VAPB: variants seen among roughly 807,000 people sequenced by gnomAD.
VAPB encodes the protein vesicle-associated membrane protein-associated protein B/C.
A neutral mutation model predicts 25.6 loss-of-function variants in VAPB; 7 were observed. The ratio of observed to expected loss-of-function variants is 0.27; its 90% CI spans 0.16 to 0.51. The LOEUF is 0.51. Ranked by LOEUF, VAPB falls within the 20% of genes least tolerant of loss-of-function variation. VAPB has a pLI of 0.97. For synonymous variants in VAPB, 112 were observed against 109.2 expected (o/e 1.03, Z -0.16); for missense variants, 266 against 301.3 (o/e 0.88, Z 0.87).
At chr20:58,444,048 G>T (rs776713475) in intron 5 of VAPB, 29 bp from the exon 6 acceptor site, 64 of 1,614,046 alleles carry the variant, frequency 4.0e-5, no homozygotes, top group Non-Finnish European at 5.4e-5. Context: ...GCCTTGGCTT[G>T]TCTTTGAAAT....
chr20:58,431,096 T>G (rs1988917685), intron 2 of VAPB: 2 of 152,234 alleles, frequency 1.3e-5, no homozygotes, highest in Admixed American at 1.3e-4. Flanking sequence ...AAGTGTTACT[T>G]TCTTCAAGGT....
rs1235211272 is a variant in VAPB at position 58,417,583 on chromosome 20, A to AG, written c.59-626dup. Among the ~76,000 whole-genome samples the AG allele has an allele frequency of 2.0e-5, 3 of 152,198 alleles. No individual in the cohort carries two copies. The East Asian group carries it at 5.8e-4, about 29-fold the overall frequency. ...TAATTAGTACCGTCTGTAATGCTTCAGGTGTGGACTGCCCAGCAGGACTCT... is the reference window on the plus strand; with the variant it reads ...TAATTAGTACCGTCTGTAATGCTTCAGGGTGTGGACTGCCCAGCAGGACTCT... On this transcript the variant is annotated intron_variant, in intron 1 of 5. Coordinates refer to ENST00000475243, the MANE Select transcript of VAPB (RefSeq NM_004738.5).
intron 1 of VAPB, among the ~76,000 whole-genome samples, chr20:58,391,654 G>C (rs768567857): frequency 2.0e-5 from 3 of 152,024 alleles, no homozygotes; most frequent in Non-Finnish European, 2.9e-5. Flanking sequence ...TCAGCCTCTT[G>C]AGTAGCTGGG....
chr20:58,406,560 G>C (rs1046195760), intron 1 of VAPB, among the ~76,000 whole-genome samples: 3 of 152,160 alleles, frequency 2.0e-5, no homozygotes, highest in Non-Finnish European at 4.4e-5. Context: ...ATTCCAGTTG[G>C]ATCATCAAGG....
chr20:58,410,269 G>T (rs1360815060), intron 1 of VAPB, among the ~76,000 whole-genome samples: 1 of 152,106 alleles, frequency 6.6e-6, no homozygotes, highest in Non-Finnish European at 1.5e-5. Flanking sequence ...CATTTCTAGT[G>T]TTGTACATTC....
chr20:58,417,569 G>A (rs778894718), intron 1 of VAPB, among the ~76,000 whole-genome samples: 8 of 152,208 alleles, frequency 5.3e-5, no homozygotes, highest in South Asian at 2.1e-4. Context: ...AATTAGTACC[G>A]TCTGTAATGC....
intron 1 of VAPB, among the ~76,000 whole-genome samples, chr20:58,392,611 C>T (rs951261325): frequency 6.6e-6 from 1 of 152,230 alleles, no homozygotes. Context: ...TAACTGGTTT[C>T]TTCCAGGTTA....
intron 2 of VAPB, among the ~76,000 whole-genome samples, chr20:58,434,009 A>T (rs1433635175): frequency 2.0e-5 from 3 of 152,072 alleles, no homozygotes; most frequent in Non-Finnish European, 4.4e-5. Context: ...CCTCTGTGTG[A>T]GATTTCTCTA....
Position 58,389,418 on chromosome 20 carries a change from C to T in VAPB, c.-42C>T. On this transcript the variant is annotated 5_prime_UTR_variant, in exon 1 of 6. Coordinates refer to ENST00000475243, the MANE Select transcript of VAPB (RefSeq NM_004738.5). ...TTAACGCTTCCCGCCCCGGTGACCT[C>T]TCAGGGGTCTCCCCGCCAAAGGTGC... 6.4e-7 allele frequency: 1 copy of T among 1,567,690 alleles called. No individual in the cohort carries two copies. Among genetic ancestry groups the T allele is most frequent in the Non-Finnish European group, 8.6e-7 (1 of 1,156,490 alleles).
intron 2 of VAPB, among the ~76,000 whole-genome samples, chr20:58,430,675 A>G (rs1284307429): frequency 2.0e-5 from 3 of 151,884 alleles, no homozygotes; most frequent in Non-Finnish European, 4.4e-5. Flanking sequence ...TCGCAGGTTT[A>G]AGCGATTCTC....
Position 58,440,964 on chromosome 20 carries a change from A to G in VAPB, c.454A>G (p.Ile152Val), listed in dbSNP as rs1989146345. 6.2e-7 allele frequency: 1 copy of G among 1,614,136 alleles called. No individual in the cohort carries two copies. The highest frequency in any genetic ancestry group is 1.1e-5 in the South Asian group (1 of 91,086). Residue 152 changes from isoleucine (I) to valine (V), a missense_variant, in exon 5 of 6, where the codon ATA (isoleucine) becomes GTA (valine). Transcript: ENST00000475243. Reference sequence around the variant, plus strand: ...AACTGCATCAAAGACAGAAACACCAATAGTGTCTAAGTCTCTGAGTTCTTC... The same window carrying G: ...AACTGCATCAAAGACAGAAACACCAGTAGTGTCTAAGTCTCTGAGTTCTTC... ...STTASKTETP[I>V]VSKSLSSSLD...
Position 58,444,678 on chromosome 20 carries a change from C to A in VAPB, c.*443C>A. On this transcript the variant is annotated 3_prime_UTR_variant, in exon 6 of 6. Coordinates refer to ENST00000475243, the MANE Select transcript of VAPB (RefSeq NM_004738.5). ...TCCACACAGTAGTCCCCACGTGGCC[C>A]ACTCCCGGCCCAGGCTGCTTTCCGT... 2.2e-6 allele frequency: 1 copy of A among 454,478 alleles called. No homozygotes were observed. The highest frequency in any genetic ancestry group is 4.4e-6 in the Non-Finnish European group (1 of 226,956). 28.2% of individuals were successfully genotyped at this position (454,478 alleles called of 1,614,324 possible). A position where few individuals can be genotyped will look rare whatever the true frequency, so the allele number is the denominator to read the frequency against.
intron 2 of VAPB, among the ~76,000 whole-genome samples, chr20:58,431,805 C>T (rs1489079170): frequency 2.6e-5 from 4 of 152,018 alleles, no homozygotes; most frequent in South Asian, 2.1e-4. Flanking sequence ...GTGATCCTCC[C>T]GCCTTGGCCT....
intron 2 of VAPB, among the ~76,000 whole-genome samples, chr20:58,428,670 T>A (rs956137184): frequency 5.3e-5 from 8 of 152,314 alleles, no homozygotes; most frequent in Admixed American, 2.0e-4. Context: ...CAAACTCTTT[T>A]ATAGTCTGCC....
At chr20:58,436,150 TA>T (rs944320196) in intron 3 of VAPB, among the ~76,000 whole-genome samples, 18 of 152,176 alleles carry the variant, frequency 1.2e-4, no homozygotes, top group Admixed American at 9.8e-4. Flanking sequence ...GCATATCTAG[TA>T]AAGGGTCATT....
intron 1 of VAPB, among the ~76,000 whole-genome samples, chr20:58,405,721 C>T (rs949357063): frequency 2.8e-5 from 4 of 142,832 alleles, no homozygotes; most frequent in African/African-American, 5.2e-5. Context: ...CAGGTGTGAG[C>T]CATCACGCCT....
rs78621709 is a variant in VAPB at position 58,411,201 on chromosome 20, T to C, written c.59-7010T>C. 4.7e-3 allele frequency among the ~76,000 whole-genome samples: 719 copies of C among 152,378 alleles called. 7 individuals carry two copies. Among genetic ancestry groups the C allele is most frequent in the African/African-American group, 0.016 (674 of 41,590 alleles). ...CATCCTCACCAACACTTGGTATTGG[T>C]AGTATTTTAGAATTTGGCCATTCTA... On this transcript the variant is annotated intron_variant, in intron 1 of 5. Transcript: ENST00000475243.
intron 2 of VAPB, among the ~76,000 whole-genome samples, chr20:58,429,278 T>G (rs1241795400): frequency 1.3e-5 from 2 of 152,192 alleles, no homozygotes; most frequent in African/African-American, 4.8e-5. Context: ...AAGTTTCCAT[T>G]CACCAATGCA....
In VAPB at chr20:58,389,383, G is replaced by C; in HGVS notation, c.-77G>C. On this transcript the variant is annotated 5_prime_UTR_variant, in exon 1 of 6. Coordinates refer to ENST00000475243, the MANE Select transcript of VAPB (RefSeq NM_004738.5). ...CCCGCCTTTTTGTAAAACTTAAAGC[G>C]GGCGCAGCATTAACGCTTCCCGCCC... 2 of 1,472,488 alleles carry C rather than the reference G, an allele frequency of 1.4e-6. No individual in the cohort carries two copies. The highest frequency in any genetic ancestry group is 1.8e-6 in the Non-Finnish European group (2 of 1,089,906). The allele number at this position is 1,472,488 out of a possible 1,614,324, so 91.2% of individuals were successfully genotyped here.
Sources: allele counts gnomAD v4.1 joint callset (sites outside exome capture counted in the v4.1 genomes callset), GRCh38; gene constraint gnomAD v4.1.1; transcripts MANE v1.5; gene names NCBI Gene and HGNC (gene_info 2026-07-23, HGNC 2026-07-21).